The following IRX4 variants were observed in gnomAD, a reference collection of about 807,000 sequenced individuals.
IRX4 encodes iroquois-class homeodomain protein IRX-4.
In IRX4, 22 loss-of-function variants were observed where a neutral mutation model predicts 32.0. The ratio of observed to expected loss-of-function variants is 0.69; its 90% CI spans 0.49 to 0.98. The LOEUF is 0.98. Ranked by LOEUF, IRX4 falls within the 50% of genes least tolerant of loss-of-function variation. The probability of loss-of-function intolerance (pLI) is 0.00; values close to 1 mark genes in which losing one functional copy is unlikely to be tolerated. For missense variants in IRX4, 840 were observed against 744.2 expected (o/e 1.13, Z -1.50); for synonymous variants, 379 against 351.7 (o/e 1.08, Z -0.87).
At chr5:1,884,774 T>G (rs1348659036), upstream of IRX4, 1 of 152,192 alleles carries the variant, frequency 6.6e-6, no homozygotes, top group Non-Finnish European at 1.5e-5. Context: ...TCGCTAGAAA[T>G]GAATCTCTCA....
Position 1,879,516 on chromosome 5 carries a change from A to C in IRX4, c.724T>G (p.Ser242Ala), listed in dbSNP as rs777219242. ...EEAREEPLKS[S>A]KNAEPVGKEE... ...CCTCCCAACCCACCTGCGTTCTTGG[A>C]GCTCTTGAGGGGCTCCTCCCGCGCC... The change falls in exon 4 of 5, where the codon TCC becomes GCC. Residue 242 changes from serine to alanine, a missense_variant. Physicochemically the swap from Ser to Ala is moderately conservative, Grantham distance 99. Around this residue, in one of 3 missense-constraint regions of IRX4, gnomAD observed 585 missense variants for 488.0 expected, o/e 1.20. Transcript: ENST00000231357. 33 of 1,613,030 alleles carry C rather than the reference A, an allele frequency of 2.0e-5. No individual in the cohort carries two copies. The highest frequency in any genetic ancestry group is 2.6e-5 in the Non-Finnish European group (31 of 1,180,000).
chr5:1,878,144 C>A lies in IRX4; in HGVS notation c.1385G>T (p.Gly462Val). 6.4e-7 allele frequency: 1 copy of A among 1,556,736 alleles called. No homozygotes were observed. Among genetic ancestry groups the A allele is most frequent in the East Asian group, 2.4e-5 (1 of 42,210 alleles). Residue 462 changes from glycine (G) to valine (V), a missense_variant, in exon 5 of 5, where the codon GGC (glycine) becomes GTC (valine). Around this residue, in one of 3 missense-constraint regions of IRX4, gnomAD observed 585 missense variants for 488.0 expected, o/e 1.20. Transcript: ENST00000231357. ...CAGAGGCCCGGGGTCCAGGAGGGCG[C>A]CCTTGGCGGTGGCCCAGGCCTGGTT... ...TLNQAWATAK[G>V]ALLDPGPLGR...
chr5:1,884,087 C>T (rs568738145), upstream of IRX4: 2 of 152,440 alleles, frequency 1.3e-5, no homozygotes, highest in South Asian at 4.1e-4. Context: ...AAGCGGAGGC[C>T]AGTGAGCAGG....
At chr5:1,879,420 C>A (rs971292231) in intron 4 of IRX4, 84 bp downstream of exon 4, 27 of 1,587,760 alleles carry the variant, frequency 1.7e-5, no homozygotes, top group East Asian at 1.6e-4. Flanking sequence ...GCGTTTGGGA[C>A]CCCCAAGACG....
chr5:1,877,840 G>A lies in IRX4; in HGVS notation c.*129C>T. 1 of 858,292 alleles carries A rather than the reference G, an allele frequency of 1.2e-6. No homozygotes were observed. The highest frequency in any genetic ancestry group is 3.0e-5 in the East Asian group (1 of 33,392). 53.2% of individuals were successfully genotyped at this position (858,292 alleles called of 1,614,324 possible). On this transcript the variant is annotated 3_prime_UTR_variant, in exon 5 of 5. Transcript: ENST00000231357. ...CCATGTTCCCAGGAGTCCAAGTTCAGAAGCCCCCTCTCCGGTGGGTTGGCG... is the reference window on the plus strand; with the variant it reads ...CCATGTTCCCAGGAGTCCAAGTTCAAAAGCCCCCTCTCCGGTGGGTTGGCG...
intron 4 of IRX4, among the ~76,000 whole-genome samples, chr5:1,879,043 G>C (rs930245320): frequency 1.3e-5 from 2 of 151,556 alleles, no homozygotes; most frequent in African/African-American, 2.4e-5. Context: ...CCAGGCTGGA[G>C]TGCAGTGGCG....
upstream of IRX4, chr5:1,883,984 T>C (rs1735547507): frequency 6.6e-6 from 1 of 152,270 alleles, no homozygotes; most frequent in Non-Finnish European, 1.5e-5. Flanking sequence ...CAGCTTTCTG[T>C]CTGGGGCGCA....
Position 1,878,787 on chromosome 5 carries a change from C to G in IRX4, c.742G>C (p.Val248Leu). 6.2e-7 allele frequency: 1 copy of G among 1,613,148 alleles called. No individual in the cohort carries two copies. The highest frequency in any genetic ancestry group is 1.1e-5 in the South Asian group (1 of 91,072). ...TCCAGCTCCTTCTCCTCTTTGCCCA[C>G]GGGCTCTGCGGGAGAGAATGCGTGG... is the stretch of plus-strand genomic sequence containing the variant. ...PLKSSKNAEP[V>L]GKEEKELELS... Residue 248 changes from valine (V) to leucine (L), a missense_variant, in exon 5 of 5, where the codon GTG (valine) becomes CTG (leucine). Transcript: ENST00000231357.
At chr5:1,879,051 G>A (rs2111436265) in intron 4 of IRX4, among the ~76,000 whole-genome samples, 1 of 151,656 alleles carries the variant, frequency 6.6e-6, no homozygotes. Context: ...GAGTGCAGTG[G>A]CGCGATCTCA....
At chr5:1,887,179 T>G (rs1022936303), upstream of IRX4, 10 of 151,704 alleles carry the variant, frequency 6.6e-5, no homozygotes, top group Non-Finnish European at 1.3e-4. Context: ...GCGGAGCACC[T>G]GGCGAGCGGA....
At chr5:1,883,338 T>G (rs1735520616), upstream of IRX4, among the ~76,000 whole-genome samples, 1 of 152,236 alleles carries the variant, frequency 6.6e-6, no homozygotes, top group Non-Finnish European at 1.5e-5. Flanking sequence ...AGCCCGGCGC[T>G]GCGCAGGCGG....
At chr5:1,881,233 A>G (rs1579253283) in intron 2 of IRX4, 7 of 158,514 alleles carry the variant, frequency 4.4e-5, no homozygotes, top group East Asian at 1.9e-4. Flanking sequence ...GGGAGGAAAA[A>G]GGGGTGGAGA....
rs757071260 is a variant in IRX4, at chr5:1,879,630, TCTC to T, written c.607_609del (p.Glu203del). On this transcript the variant is annotated inframe_deletion, in exon 4 of 5. Transcript: ENST00000231357. Reference sequence around the variant, plus strand: ...TTCCGCGGCGGCCACGTCATCTTGTTCTCCTTCTTGAGGCGCCGGCGCGCGTTG... The same window carrying T: ...TTCCGCGGCGGCCACGTCATCTTGTTCTTCTTGAGGCGCCGGCGCGCGTTG... 3.7e-6 allele frequency: 6 copies of T among 1,613,950 alleles called. No individual in the cohort carries two copies. The highest frequency in any genetic ancestry group is 5.1e-6 in the Non-Finnish European group (6 of 1,180,032).
chr5:1,886,102 G>A (rs558011027), upstream of IRX4, among the ~76,000 whole-genome samples: 55 of 152,388 alleles, frequency 3.6e-4, no homozygotes, highest in Non-Finnish European at 2.1e-4. Flanking sequence ...CTAACGCGAA[G>A]CGCAGGCGGG....
chr5:1,882,420 A>C (rs1266640734), intron 1 of IRX4, among the ~76,000 whole-genome samples, 183 bp downstream of exon 1: 1 of 152,068 alleles, frequency 6.6e-6, no homozygotes, highest in Admixed American at 6.5e-5. Flanking sequence ...GGATTTTCTT[A>C]GCGCCTCGGC....
chr5:1,879,110 G>A (rs1032843931), intron 4 of IRX4, among the ~76,000 whole-genome samples: 1 of 151,876 alleles, frequency 6.6e-6, no homozygotes, highest in Non-Finnish European at 1.5e-5. Flanking sequence ...TCCTGCCTCA[G>A]CCTCCCGAGT....
chr5:1,882,621 G>A lies in IRX4; in HGVS notation c.27C>T (p.Pro9=). 6.9e-7 allele frequency: 1 copy of A among 1,439,760 alleles called. No individual in the cohort carries two copies. The highest frequency in any genetic ancestry group is 9.1e-7 in the Non-Finnish European group (1 of 1,099,568). The allele number at this position is 1,439,760 out of a possible 1,614,324, so 89.2% of individuals were successfully genotyped here. A position where few individuals can be genotyped will look rare whatever the true frequency, so the allele number is the denominator to read the frequency against. MSYPQFGY[P]YSSAPQFLMA... The stretch of plus-strand genomic sequence containing the variant: ...CGCTTACCTGGGGAGCCGAGGAGTA[G>A]GGGTATCCAAACTGCGGGTAGGACA... Residue 9 remains proline (P), a synonymous_variant, in exon 1 of 5, where the codon CCC becomes CCT. Transcript: ENST00000231357.
chr5:1,878,982 A>AG (rs1199733162), intron 4 of IRX4, among the ~76,000 whole-genome samples, 190 bp from the exon 5 acceptor site: 2 of 146,954 alleles, frequency 1.4e-5, no homozygotes, highest in African/African-American at 5.1e-5. Context: ...CCAATGGGGG[A>AG]GGGGGGTGTC....
upstream of IRX4, chr5:1,883,924 G>A (rs1735545477): frequency 6.6e-6 from 1 of 152,290 alleles, no homozygotes; most frequent in African/African-American, 2.4e-5. Flanking sequence ...GGCTGCGAGG[G>A]AGGGGGCGTT....
Sources: gnomAD v4.1 joint callset for allele counts (sites outside exome capture counted in the v4.1 genomes callset) on GRCh38, gnomAD v4.1.1 for gene constraint, gnomAD v4.1.1 regional missense constraint, MANE v1.5 for transcripts, NCBI Gene and HGNC (gene_info 2026-07-23, HGNC 2026-07-21) for gene names.